The following FBXL17 variants were observed in gnomAD, a reference collection of about 807,000 sequenced individuals.
FBXL17 encodes F-box and leucine rich repeat protein 17.
A neutral mutation model predicts 66.2 loss-of-function variants in FBXL17; 22 were observed. The ratio of observed to expected loss-of-function variants is 0.33; its 90% CI spans 0.24 to 0.47. The LOEUF (loss-of-function observed/expected upper bound fraction) is 0.47. FBXL17 is among the 20% of genes least tolerant of loss of function. FBXL17 has a pLI of 1.00. For missense variants in FBXL17, 878 were observed against 948.2 expected (o/e 0.93, Z 0.97); for synonymous variants, 474 against 400.5 (o/e 1.18, Z -2.19).
At chr5:107,994,371 G>A (rs1311319426) in intron 7 of FBXL17, among the ~76,000 whole-genome samples, 4 of 151,884 alleles carry the variant, frequency 2.6e-5, no homozygotes, top group Non-Finnish European at 5.9e-5. Flanking sequence ...TTGTGGTAGG[G>A]CAAAATCTTT....
chr5:108,242,810 CATT>C (rs1185290962), intron 4 of FBXL17, among the ~76,000 whole-genome samples: 1 of 151,644 alleles, frequency 6.6e-6, no homozygotes, highest in Non-Finnish European at 1.5e-5. Flanking sequence ...ACCATAATAC[CATT>C]ATTATATCTA....
chr5:108,185,422 T>C (rs537084002), intron 6 of FBXL17, among the ~76,000 whole-genome samples: 31 of 152,304 alleles, frequency 2.0e-4, no homozygotes, highest in Middle Eastern at 3.4e-3. Flanking sequence ...TCTCTAGCCA[T>C]GTAAGAGGTA....
intron 6 of FBXL17, among the ~76,000 whole-genome samples, chr5:108,090,106 G>T (rs1203453131): frequency 6.6e-6 from 1 of 152,098 alleles, no homozygotes; most frequent in Non-Finnish European, 1.5e-5. Context: ...TGCGATTACA[G>T]GTGTGAGCCA....
At chr5:107,910,753 G>A (rs1290485747) in intron 7 of FBXL17, among the ~76,000 whole-genome samples, 1 of 152,000 alleles carries the variant, frequency 6.6e-6, no homozygotes, top group East Asian at 1.9e-4. Flanking sequence ...TTCCAACACA[G>A]TAGCAAGAAC....
chr5:107,940,718 C>A (rs1194387975), intron 7 of FBXL17, among the ~76,000 whole-genome samples: 1 of 152,058 alleles, frequency 6.6e-6, no homozygotes, highest in African/African-American at 2.4e-5. Context: ...AGTAAGGAGG[C>A]TAAGGCTTAG....
At chr5:107,935,409 A>ATGTGTG (rs10636166) in intron 7 of FBXL17, among the ~76,000 whole-genome samples, 61,561 of 148,844 alleles carry the variant, frequency 0.41, 13,150 homozygotes, top group East Asian at 0.57. Context: ...TTATATATAT[A>ATGTGTG]TATGTGTGTG....
intron 8 of FBXL17, among the ~76,000 whole-genome samples, chr5:107,871,695 C>T (rs1292010189): frequency 6.7e-6 from 1 of 149,588 alleles, no homozygotes; most frequent in Non-Finnish European, 1.5e-5. Context: ...GAGAAAGTTG[C>T]TTGGGGGAGT....
chr5:107,986,642 C>T (rs1271220578), intron 7 of FBXL17, among the ~76,000 whole-genome samples: 1 of 151,516 alleles, frequency 6.6e-6, no homozygotes. Context: ...GGTTAAAGTA[C>T]AATATTCTTT....
At chr5:108,288,457 A>G (rs1015585316) in intron 4 of FBXL17, among the ~76,000 whole-genome samples, 5 of 152,058 alleles carry the variant, frequency 3.3e-5, no homozygotes, top group Non-Finnish European at 5.9e-5. Context: ...GAAGCATAAT[A>G]AAGCAAAGCA....
At chr5:107,904,538 C>T (rs1054985168) in intron 7 of FBXL17, among the ~76,000 whole-genome samples, 4 of 151,908 alleles carry the variant, frequency 2.6e-5, no homozygotes, top group African/African-American at 9.7e-5. Context: ...CTAGTTATAC[C>T]AAGCATATTT....
At chr5:108,077,241 G>A (rs1748587289) in intron 6 of FBXL17, among the ~76,000 whole-genome samples, 1 of 152,134 alleles carries the variant, frequency 6.6e-6, no homozygotes, top group South Asian at 2.1e-4. Context: ...GAGCCCACAC[G>A]ATCAATCAAT....
chr5:108,369,802 T>C (rs1748910574), intron 1 of FBXL17, among the ~76,000 whole-genome samples: 1 of 152,066 alleles, frequency 6.6e-6, no homozygotes, highest in African/African-American at 2.4e-5. Flanking sequence ...GAAGATACTT[T>C]TCAGACAATC....
At chr5:108,141,264 T>G (rs1751337863) in intron 6 of FBXL17, among the ~76,000 whole-genome samples, 1 of 152,296 alleles carries the variant, frequency 6.6e-6, no homozygotes, top group South Asian at 2.1e-4. Context: ...TCCGGTGTTT[T>G]TCCCTTCTTA....
At chr5:108,359,248 C>T (rs930212342) in intron 3 of FBXL17, among the ~76,000 whole-genome samples, 1 of 151,962 alleles carries the variant, frequency 6.6e-6, no homozygotes, top group Non-Finnish European at 1.5e-5. Context: ...AAAATCTTTT[C>T]GAAGAACCTA....
At chr5:107,879,330 G>A in intron 8 of FBXL17, 3 of 985,390 alleles carry the variant, frequency 3.0e-6, no homozygotes, top group Non-Finnish European at 3.6e-6. Context: ...ATTGATTCCT[G>A]TTTCTAGAGG....
intron 1 of FBXL17, among the ~76,000 whole-genome samples, chr5:108,368,984 A>G (rs1748851477): frequency 6.6e-6 from 1 of 150,966 alleles, no homozygotes; most frequent in South Asian, 2.1e-4. Context: ...GTGGACCTCA[A>G]GATCTTGACC....
rs375497893 is a variant in FBXL17 at position 107,902,768 on chromosome 5, C to G, written c.1823-21589G>C. On this transcript the variant is annotated intron_variant, in intron 7 of 8. Transcript: ENST00000542267. ...TTATGGAAATTTAAAAACAAAAGTA[C>G]AAGAGATTTTATGCATGCACTTTGT... Among the ~76,000 whole-genome samples the G allele has an allele frequency of 6.6e-5, 10 of 151,722 alleles. No individual in the cohort carries two copies. In the East Asian group the frequency reaches 1.7e-3, roughly 26 times the overall value.
At chr5:108,075,939 CAAATGAGTATTCAT>C (rs1318540248) in intron 6 of FBXL17, among the ~76,000 whole-genome samples, 1 of 152,166 alleles carries the variant, frequency 6.6e-6, no homozygotes, top group Non-Finnish European at 1.5e-5. Context: ...ACTTACAAAA[CAAATGAGTATTCAT>C]AAATTAAAGA....
chr5:108,096,962 T>C (rs11742263), intron 6 of FBXL17, among the ~76,000 whole-genome samples: 9,087 of 152,272 alleles, frequency 0.06, 507 homozygotes, highest in African/African-American at 0.15. Context: ...AGTTTACTGA[T>C]GGGCCTAGTA....
Sources: allele counts gnomAD v4.1 joint callset (sites outside exome capture counted in the v4.1 genomes callset), GRCh38; gene constraint gnomAD v4.1.1; transcripts MANE v1.5; gene names NCBI Gene and HGNC (gene_info 2026-07-23, HGNC 2026-07-21).